The following USP42 variants were observed in gnomAD, a reference collection of about 807,000 sequenced individuals.
The protein encoded by USP42 is ubiquitin specific peptidase 42, also known as ubiquitin carboxyl-terminal hydrolase 42.
USP42 carries 23 observed loss-of-function variants against 113.0 expected under a neutral mutation model. The observed-to-expected ratio is 0.20, with a 90% CI of 0.15 to 0.29. The LOEUF (loss-of-function observed/expected upper bound fraction) is 0.29, where lower values mean the gene tolerates loss of function less well. Ranked by LOEUF, USP42 falls within the 10% of genes least tolerant of loss-of-function variation. The probability of loss-of-function intolerance (pLI) is 1.00; values close to 1 mark genes in which losing one functional copy is unlikely to be tolerated. For synonymous variants in USP42, 933 were observed against 699.0 expected (o/e 1.33, Z -5.28); for missense variants, 2,174 against 1,779.8 (o/e 1.22, Z -3.99).
chr7:6,131,295 G>A (rs1235124871), intron 3 of USP42, among the ~76,000 whole-genome samples: 1 of 152,014 alleles, frequency 6.6e-6, no homozygotes, highest in Non-Finnish European at 1.5e-5. Context: ...GGCCAACATG[G>A]TGAAACCCTG....
rs1005930471 is a variant in USP42, at chr7:6,132,667, TTTTG to T, written c.443-3158_443-3155del. On this transcript the variant is annotated intron_variant, in intron 3 of 17. Coordinates refer to ENST00000306177, the MANE Select transcript of USP42 (RefSeq NM_032172.3). ...AGCCACCAAGCCAGCCTATGTAATG[TTTTG>T]TTTGTTTGTTTGTTTTTTGAGACGG... is the stretch of plus-strand genomic sequence containing the variant. 2.9e-4 allele frequency among the ~76,000 whole-genome samples: 44 copies of T among 151,606 alleles called. No individual in the cohort carries two copies. The Middle Eastern group carries it at 0.024, about 82-fold the overall frequency.
chr7:6,129,306 A>G (rs905548336), intron 3 of USP42, among the ~76,000 whole-genome samples: 3 of 152,070 alleles, frequency 2.0e-5, no homozygotes, highest in African/African-American at 4.8e-5. Context: ...CTGTAATCCC[A>G]GCATTTTGGG....
Position 6,144,148 on chromosome 7 carries a change from A to G in USP42, c.942A>G (p.Thr314=). Reference sequence around the variant, plus strand: ...TCCATAGATCCTCTAATGTTCTTACACTTTCTCTGAAACGTTTTGCAAATT... The same window carrying G: ...TCCATAGATCCTCTAATGTTCTTACGCTTTCTCTGAAACGTTTTGCAAATT... ...FTIHRSSNVL[T]LSLKRFANFT... is the part of the protein sequence containing the mutation. The change falls in exon 9 of 18, where the codon ACA becomes ACG. Residue 314 remains threonine, a synonymous_variant. Transcript: ENST00000306177. 1.9e-6 allele frequency: 3 copies of G among 1,596,810 alleles called. No homozygotes were observed. Among genetic ancestry groups the G allele is most frequent in the Non-Finnish European group, 2.6e-6 (3 of 1,174,794 alleles).
the USP42 span, among the ~76,000 whole-genome samples, chr7:6,084,239 C>G: frequency 1.3e-5 from 2 of 151,144 alleles, no homozygotes; most frequent in Non-Finnish European, 2.9e-5. Flanking sequence ...GTTGACCAGG[C>G]TGGTCTTGAA....
intron 3 of USP42, among the ~76,000 whole-genome samples, 197 bp from the exon 4 acceptor site, chr7:6,135,644 T>C (rs1583637223): frequency 1.2e-5 from 1 of 86,454 alleles, no homozygotes. Flanking sequence ...AGAGTGAGAC[T>C]CCATCTCAAA....
intron 5 of USP42, 67 bp from the exon 6 acceptor site, chr7:6,140,061 A>C: frequency 1.4e-6 from 2 of 1,408,658 alleles, no homozygotes; most frequent in Non-Finnish European, 2.0e-6. Context: ...ATGTGTTTGA[A>C]ATCTGGTCAC....
rs547723082 is a variant in USP42, at chr7:6,150,479, A to G, written c.2174A>G (p.Lys725Arg). 1.1e-5 allele frequency: 17 copies of G among 1,613,998 alleles called. No individual in the cohort carries two copies. In the African/African-American group the frequency reaches 1.6e-4, roughly 15 times the overall value. The change falls in exon 14 of 18, where the codon AAA becomes AGA. Residue 725 changes from lysine to arginine, a missense_variant. Coordinates refer to ENST00000306177, the MANE Select transcript of USP42 (RefSeq NM_032172.3). Reference sequence around the variant, plus strand: ...TTAGAGACCTTCAGGCTTAGCAACAAACTGAAAGGCTCGACGGATGAAATG... The same window carrying G: ...TTAGAGACCTTCAGGCTTAGCAACAGACTGAAAGGCTCGACGGATGAAATG... ...KILETFRLSN[K>R]LKGSTDEMSA...
rs1782725498 is a variant in USP42, at chr7:6,160,676, A to G, written c.*158A>G. 6.6e-6 allele frequency: 1 copy of G among 152,584 alleles called. No homozygotes were observed. Among genetic ancestry groups the G allele is most frequent in the Non-Finnish European group, 1.5e-5 (1 of 68,038 alleles). The allele number at this position is 152,584 out of a possible 1,614,324, so 9.5% of individuals were successfully genotyped here. On this transcript the variant is annotated 3_prime_UTR_variant, in exon 18 of 18. Transcript: ENST00000306177. The stretch of plus-strand genomic sequence containing the variant: ...TACTGTACAGATTTTACCATGGAGA[A>G]CTTTTTTTTTAGTTTTTACCTTTTC...
rs1002627434 is a variant in USP42, at chr7:6,154,540, C to G, written c.2986C>G (p.Pro996Ala). The G allele has an allele frequency of 3.2e-6, 5 of 1,545,884 alleles. No individual in the cohort carries two copies. The highest frequency in any genetic ancestry group is 4.4e-6 in the Non-Finnish European group (5 of 1,146,596). The change falls in exon 15 of 18, where the codon CCG (proline) becomes GCG (alanine). Residue 996 changes from proline to alanine, a missense_variant. Transcript: ENST00000306177. ...RERDRQDRHA[P>A]EHHPGHGDRL... ...GCGCGACCGCCAGGACCGCCACGCC[C>G]CGGAGCACCACCCCGGCCACGGCGA...
chr7:6,155,165 C>T lies in USP42; in HGVS notation c.3611C>T (p.Ser1204Phe), dbSNP rs1280778073. The change falls in exon 15 of 18, where the codon TCC becomes TTC. Residue 1204 changes from serine to phenylalanine, a missense_variant. Transcript: ENST00000306177. The part of the protein sequence containing the change: ...KHKKSKKKKK[S>F]KDKHRDRDSR... ...AAAAAATCAAAGAAGAAAAAGAAAT[C>T]CAAAGACAAACACCGAGACCGCGAC... 3.2e-6 allele frequency: 5 copies of T among 1,542,820 alleles called. No individual in the cohort carries two copies. In the Admixed American group the frequency reaches 1.0e-4, roughly 31 times the overall value.
chr7:6,099,998 A>T (rs1446588518), upstream of USP42, among the ~76,000 whole-genome samples: 1 of 93,786 alleles, frequency 1.1e-5, no homozygotes, highest in Non-Finnish European at 2.0e-5. Flanking sequence ...ACCAAATTTC[A>T]CAAGTCTATT....
chr7:6,095,342 C>G, the USP42 span, among the ~76,000 whole-genome samples: 1 of 151,064 alleles, frequency 6.6e-6, no homozygotes, highest in Non-Finnish European at 1.5e-5. Flanking sequence ...TGAGCAGACC[C>G]CTATTCCCCA....
At chr7:6,085,829 G>A in the USP42 span, among the ~76,000 whole-genome samples, 1 of 150,328 alleles carries the variant, frequency 6.7e-6, no homozygotes, top group Admixed American at 6.6e-5. Flanking sequence ...TGGCCAGGCT[G>A]GTTTTGAACT....
In USP42 at chr7:6,153,786, G is replaced by C; in HGVS notation, c.2232G>C (p.Glu744Asp). The C allele has an allele frequency of 6.7e-7, 1 of 1,494,350 alleles. No homozygotes were observed. The highest frequency in any genetic ancestry group is 8.9e-7 in the Non-Finnish European group (1 of 1,120,764). The allele number at this position is 1,494,350 out of a possible 1,614,324, so 92.6% of individuals were successfully genotyped here. The change falls in exon 15 of 18, where the codon GAG becomes GAC. Residue 744 changes from glutamate (E) to aspartate (D), a missense_variant. By Grantham distance (45) the Glu-to-Asp change is conservative. Coordinates refer to ENST00000306177, the MANE Select transcript of USP42 (RefSeq NM_032172.3). ...SAPGAERGPPEDRDAEPQPGS... is the reference protein window; with the variant it reads ...SAPGAERGPPDDRDAEPQPGS... ...CTGGAGCAGAGAGGGGCCCTCCCGA[G>C]GACCGCGACGCCGAGCCTCAGCCTG...
At chr7:6,134,931 C>A (rs1271886785) in intron 3 of USP42, among the ~76,000 whole-genome samples, 3 of 152,074 alleles carry the variant, frequency 2.0e-5, no homozygotes, top group African/African-American at 7.2e-5. Flanking sequence ...AGATTACAGG[C>A]TTGTGCCACC....
At chr7:6,153,666 A>C (rs1782203136) in intron 14 of USP42, 90 bp from the exon 15 acceptor site, 1 of 1,344,102 alleles carries the variant, frequency 7.4e-7, no homozygotes, top group East Asian at 2.9e-5. Flanking sequence ...ATAGCAAATG[A>C]ACGTTTTGAA....
intron 3 of USP42, among the ~76,000 whole-genome samples, chr7:6,121,149 G>GT (rs955248438): frequency 3.3e-5 from 5 of 151,184 alleles, no homozygotes; most frequent in African/African-American, 1.2e-4. Flanking sequence ...TTTTCTTGCT[G>GT]TTTTTTTCTA....
At chr7:6,135,355 A>C (rs1421142132) in intron 3 of USP42, among the ~76,000 whole-genome samples, 1 of 152,160 alleles carries the variant, frequency 6.6e-6, no homozygotes, top group African/African-American at 2.4e-5. Flanking sequence ...GGTTTGTTAG[A>C]AAAGTAAATG....
rs982578948 is a variant in USP42 at position 6,157,153 on chromosome 7, C to T, written c.3943+98C>T. 1.2e-5 allele frequency: 18 copies of T among 1,444,658 alleles called. No homozygotes were observed. The African/African-American group carries it at 1.9e-4, about 15-fold the overall frequency. The allele number at this position is 1,444,658 out of a possible 1,614,324, so 89.5% of individuals were successfully genotyped here. ...CATGTAGAAAGAAAACCTCAGGTGG[C>T]ATCAAAGGGCACAGTTACTCAGAGC... On this transcript the variant is annotated intron_variant, in intron 16 of 17. Coordinates refer to ENST00000306177, the MANE Select transcript of USP42 (RefSeq NM_032172.3). This position sits in a 1 kb window ranked among gnomAD's most constrained non-coding sequence, Gnocchi z 4.1.
Sources: gnomAD v4.1 joint callset for allele counts (sites outside exome capture counted in the v4.1 genomes callset) on GRCh38, gnomAD v4.1.1 for gene constraint, Gnocchi (gnomAD v3.1) non-coding constraint, MANE v1.5 for transcripts, NCBI Gene and HGNC (gene_info 2026-07-23, HGNC 2026-07-21) for gene names.